The following FUT8 variants were observed in gnomAD, a reference collection of about 807,000 sequenced individuals.
FUT8 encodes fucosyltransferase 8.
FUT8 carries 29 observed loss-of-function variants against 71.3 expected under a neutral mutation model. The observed-to-expected ratio is 0.41, with a 90% CI of 0.30 to 0.55. The LOEUF is 0.55. Among genes scored for constraint, FUT8 ranks in the 20% least tolerant of loss-of-function variants. The probability of loss-of-function intolerance (pLI) is 0.34; values close to 1 mark genes in which losing one functional copy is unlikely to be tolerated. For synonymous variants in FUT8, 254 were observed against 239.3 expected, an observed-to-expected ratio of 1.06 and a Z score of -0.57; for missense variants, 544 against 702.1, an observed-to-expected ratio of 0.77 and a Z score of 2.55.
At chr14:65,696,058 G>A (rs971597940) in intron 7 of FUT8, among the ~76,000 whole-genome samples, 3 of 151,936 alleles carry the variant, frequency 2.0e-5, no homozygotes, top group Non-Finnish European at 4.4e-5. Flanking sequence ...ATCCCGTAAA[G>A]CATTACTATC....
At chr14:65,598,996 A>G (rs1457189474) in intron 3 of FUT8, among the ~76,000 whole-genome samples, 1 of 151,818 alleles carries the variant, frequency 6.6e-6, no homozygotes, top group Non-Finnish European at 1.5e-5. Flanking sequence ...TCACCACGTC[A>G]GCCAGGATGG....
chr14:65,424,693 C>G (rs1296107941), intron 1 of FUT8, among the ~76,000 whole-genome samples: 2 of 151,816 alleles, frequency 1.3e-5, no homozygotes, highest in Non-Finnish European at 2.9e-5. Context: ...CAGGGTCTCA[C>G]TCTGTCACTC....
chr14:65,710,441 T>C (rs905541542), intron 7 of FUT8, among the ~76,000 whole-genome samples: 2 of 152,332 alleles, frequency 1.3e-5, no homozygotes, highest in East Asian at 3.9e-4. Context: ...GCATGTACTA[T>C]GTTATTTTCT....
At chr14:65,376,822 C>T in the FUT8 span, among the ~76,000 whole-genome samples, 1 of 152,140 alleles carries the variant, frequency 6.6e-6, no homozygotes, top group Non-Finnish European at 1.5e-5. Flanking sequence ...TTTGATGGGA[C>T]TCAGACCTGG....
chr14:65,632,212 G>A (rs1321383959), intron 6 of FUT8, among the ~76,000 whole-genome samples: 1 of 152,124 alleles, frequency 6.6e-6, no homozygotes, highest in Non-Finnish European at 1.5e-5. Context: ...TCTTTTTCAT[G>A]TAACGACTCC....
At chr14:65,707,113 T>C (rs75069355) in intron 7 of FUT8, among the ~76,000 whole-genome samples, 1,842 of 152,286 alleles carry the variant, frequency 0.012, 14 homozygotes, top group South Asian at 0.024. Context: ...CTGAACTAAT[T>C]TACATTCCCA....
At chr14:65,648,600 C>T (rs1025437524) in intron 6 of FUT8, among the ~76,000 whole-genome samples, 29 of 152,112 alleles carry the variant, frequency 1.9e-4, no homozygotes, top group African/African-American at 6.0e-4. Flanking sequence ...GTCATGTTAC[C>T]GATGATAAAG....
intron 3 of FUT8, among the ~76,000 whole-genome samples, chr14:65,600,784 C>A (rs1888251922): frequency 6.6e-6 from 1 of 152,114 alleles, no homozygotes. Flanking sequence ...TAAGCAATTA[C>A]ATTTCCATTT....
chr14:65,633,763 GTGAGGA>G (rs1890357722), intron 6 of FUT8, among the ~76,000 whole-genome samples: 2 of 152,070 alleles, frequency 1.3e-5, no homozygotes, highest in South Asian at 4.1e-4. Context: ...CGTCTGAGAA[GTGAGGA>G]GCCCCTCCGC....
chr14:65,424,534 CTTTTCTTTTT>C (rs1161734695), intron 1 of FUT8, among the ~76,000 whole-genome samples: 3 of 133,862 alleles, frequency 2.2e-5, no homozygotes, highest in African/African-American at 5.8e-5. Context: ...TTTTTCTTTT[CTTTTCTTTTT>C]TTTTTTTTTT....
At position 65,580,507 on chromosome 14, in the gene FUT8, A is replaced by G. The variant is rs569072813; in HGVS notation, c.203+18741A>G. 2.0e-5 allele frequency among the ~76,000 whole-genome samples: 3 copies of G among 152,098 alleles called. No homozygotes were observed. In the South Asian group the frequency reaches 6.2e-4, roughly 32 times the overall value. On this transcript the variant is annotated intron_variant, in intron 3 of 10. Coordinates refer to ENST00000673929, the MANE Select transcript of FUT8 (RefSeq NM_001371533.1). Reference sequence around the variant, plus strand: ...AAATACATGTTATGTGTGCGTGTATATAACACACTATGTATACACAGACAC... The same window carrying G: ...AAATACATGTTATGTGTGCGTGTATGTAACACACTATGTATACACAGACAC...
chr14:65,402,886 CT>C, the FUT8 span, among the ~76,000 whole-genome samples: 913 of 152,298 alleles, frequency 6.0e-3, 10 homozygotes, highest in East Asian at 0.036. Flanking sequence ...TATAAGTCTA[CT>C]TGTAAATCAC....
intron 7 of FUT8, among the ~76,000 whole-genome samples, chr14:65,692,799 C>G (rs563634662): frequency 1.3e-5 from 2 of 149,962 alleles, no homozygotes; most frequent in Non-Finnish European, 3.0e-5. Context: ...AGGGGGCGGC[C>G]GGGCAGAGAC....
At chr14:65,370,097 T>TA in the FUT8 span, among the ~76,000 whole-genome samples, 3 of 137,624 alleles carry the variant, frequency 2.2e-5, no homozygotes, top group South Asian at 2.3e-4. Context: ...TGTGGCTAAA[T>TA]AAAAAAAATG....
At chr14:65,710,683 A>T (rs1894770484) in intron 7 of FUT8, among the ~76,000 whole-genome samples, 1 of 152,170 alleles carries the variant, frequency 6.6e-6, no homozygotes, top group African/African-American at 2.4e-5. Context: ...TTAGAGGTGA[A>T]GAATCATGTC....
chr14:65,682,045 A>C (rs1355103584), intron 7 of FUT8, among the ~76,000 whole-genome samples: 1 of 152,216 alleles, frequency 6.6e-6, no homozygotes, highest in Non-Finnish European at 1.5e-5. Context: ...AATATTTACT[A>C]TCTGGCCCTT....
chr14:65,709,785 C>T (rs536165581), intron 7 of FUT8, among the ~76,000 whole-genome samples: 6 of 152,280 alleles, frequency 3.9e-5, no homozygotes, highest in African/African-American at 7.2e-5. Context: ...AGGAACCAAA[C>T]GTGTGAGGCA....
chr14:65,720,045 G>T (rs1895332196), intron 7 of FUT8, among the ~76,000 whole-genome samples: 1 of 152,236 alleles, frequency 6.6e-6, no homozygotes, highest in Non-Finnish European at 1.5e-5. Flanking sequence ...ATCCCTTCAG[G>T]ACAGCAAGCA....
intron 2 of FUT8, among the ~76,000 whole-genome samples, chr14:65,512,131 A>G (rs1236149917): frequency 6.6e-6 from 1 of 152,206 alleles, no homozygotes; most frequent in Non-Finnish European, 1.5e-5. Flanking sequence ...TTGTGTACCT[A>G]AACGTAGAAA....
Sources: gnomAD v4.1 joint callset for allele counts (sites outside exome capture counted in the v4.1 genomes callset) on GRCh38, gnomAD v4.1.1 for gene constraint, MANE v1.5 for transcripts, NCBI Gene and HGNC (gene_info 2026-07-23, HGNC 2026-07-21) for gene names.